PLEKHA1: variants seen among roughly 807,000 people sequenced by gnomAD.
PLEKHA1 encodes the protein pleckstrin homology domain containing A1, also known as pleckstrin homology domain-containing family A member 1.
PLEKHA1 carries 34 observed loss-of-function variants against 52.0 expected under a neutral mutation model. That is an observed-to-expected ratio of 0.65 (90% CI 0.50 to 0.87). The LOEUF (loss-of-function observed/expected upper bound fraction) is 0.87, where lower values mean the gene tolerates loss of function less well. PLEKHA1 is among the 40% of genes least tolerant of loss of function. PLEKHA1 has a pLI of 0.00. For synonymous variants in PLEKHA1, 163 were observed against 170.7 expected (o/e 0.95, Z 0.35); for missense variants, 497 against 504.2 (o/e 0.99, Z 0.14).
At chr10:122,387,318 ATAC>A (rs2096713808) in intron 1 of PLEKHA1, 1 of 152,160 alleles carries the variant, frequency 6.6e-6, no homozygotes, top group Non-Finnish European at 1.5e-5. Context: ...CTTTAGCTGC[ATAC>A]TACAAATTTT....
At chr10:122,419,803 A>T (rs561791489) in intron 8 of PLEKHA1, 2 of 152,224 alleles carry the variant, frequency 1.3e-5, no homozygotes, top group African/African-American at 4.8e-5. Flanking sequence ...TTTATCTCCT[A>T]TGGTAGTTCT....
downstream of PLEKHA1, chr10:122,436,993 C>CTTTTTTTTT (rs34565375): frequency 1.2e-5 from 1 of 84,842 alleles, no homozygotes; most frequent in African/African-American, 4.7e-5. Context: ...TTACATCAGC[C>CTTTTTTTTT]TTTTTTTTTT....
chr10:122,438,448 G>A, the PLEKHA1 span: 4 of 152,286 alleles, frequency 2.6e-5, no homozygotes, highest in Non-Finnish European at 4.4e-5. Context: ...TTTATCTGGG[G>A]TAGGAAGGCA....
At chr10:122,425,080 C>T in intron 10 of PLEKHA1, 121 bp downstream of exon 10, 1 of 806,908 alleles carries the variant, frequency 1.2e-6, no homozygotes, top group Non-Finnish European at 1.9e-6. Flanking sequence ...AACTGTAATT[C>T]ACCAGCTTAA....
Position 122,432,230 on chromosome 10 carries a change from GTCT to G in PLEKHA1, c.*2297_*2299del, listed in dbSNP as rs1433504217. On this transcript the variant is annotated 3_prime_UTR_variant, in exon 12 of 12. Transcript: ENST00000368990. ...GCATTTTTTTCCGTATATATAACAT[GTCT>G]TCTTTCAGAATGGGAATATATGTGT... The G allele has an allele frequency of 1.3e-5, 2 of 152,050 alleles. No homozygotes were observed. The highest frequency in any genetic ancestry group is 1.9e-4 in the East Asian group (1 of 5,196). 9.4% of individuals were successfully genotyped at this position (152,050 alleles called of 1,614,324 possible).
chr10:122,395,995 C>T (rs961464009), intron 2 of PLEKHA1, among the ~76,000 whole-genome samples: 4 of 151,996 alleles, frequency 2.6e-5, no homozygotes, highest in African/African-American at 9.7e-5. Flanking sequence ...TGTTCATTGT[C>T]AAGTAACAAA....
At chr10:122,416,038 A>C (rs1385710040) in intron 7 of PLEKHA1, 36 bp downstream of exon 7, 1 of 1,568,886 alleles carries the variant, frequency 6.4e-7, no homozygotes, top group Admixed American at 1.9e-5. Flanking sequence ...AATAATGAAA[A>C]AGGATTACGT....
chr10:122,418,064 A>G, intron 8 of PLEKHA1, 96 bp downstream of exon 8: 1 of 896,886 alleles, frequency 1.1e-6, no homozygotes, highest in Non-Finnish European at 1.7e-6. Context: ...CTGTAGTTTC[A>G]GAATAAGTCT....
chr10:122,437,072 T>A (rs1225555347), downstream of PLEKHA1: 3 of 141,652 alleles, frequency 2.1e-5, no homozygotes, highest in African/African-American at 5.3e-5. Context: ...TGTGGAAACA[T>A]TTATTATTAT....
chr10:122,405,058 A>G (rs1213582830), intron 4 of PLEKHA1, among the ~76,000 whole-genome samples: 1 of 152,214 alleles, frequency 6.6e-6, no homozygotes, highest in Non-Finnish European at 1.5e-5. Context: ...CAGATGGTGT[A>G]TAATAAATAG....
At chr10:122,440,736 G>A in the PLEKHA1 span, 1 of 152,094 alleles carries the variant, frequency 6.6e-6, no homozygotes, top group Admixed American at 6.6e-5. Context: ...TCAAAATTTG[G>A]AAGAGATTAG....
At chr10:122,375,476 C>T (rs1463801901) in intron 1 of PLEKHA1, among the ~76,000 whole-genome samples, 1 of 149,498 alleles carries the variant, frequency 6.7e-6, no homozygotes, top group Non-Finnish European at 1.5e-5. Context: ...CAGGTGGCAC[C>T]GGGGAGGCGA....
At chr10:122,407,580 CA>C (rs768996489) in intron 5 of PLEKHA1, among the ~76,000 whole-genome samples, 2 of 152,148 alleles carry the variant, frequency 1.3e-5, no homozygotes, top group African/African-American at 2.4e-5. Context: ...AAGCCAACAA[CA>C]ACCTTTACTG....
chr10:122,384,411 A>G (rs923792786), intron 1 of PLEKHA1, among the ~76,000 whole-genome samples: 8 of 151,048 alleles, frequency 5.3e-5, no homozygotes, highest in Non-Finnish European at 1.0e-4. Flanking sequence ...GATTGAGACC[A>G]TCCTGGCTAA....
chr10:122,407,916 A>G (rs1386673040), intron 5 of PLEKHA1, among the ~76,000 whole-genome samples: 2 of 152,356 alleles, frequency 1.3e-5, no homozygotes, highest in East Asian at 1.9e-4. Flanking sequence ...TAAAGAGTCA[A>G]TATAGTTAAA....
At chr10:122,386,751 T>C (rs1044342847) in intron 1 of PLEKHA1, 1 of 152,208 alleles carries the variant, frequency 6.6e-6, no homozygotes, top group African/African-American at 2.4e-5. Context: ...TGTTCTCTCT[T>C]CCTGTTTACT....
At chr10:122,400,214 A>G in intron 3 of PLEKHA1, 129 bp from the exon 4 acceptor site, 1 of 670,886 alleles carries the variant, frequency 1.5e-6, no homozygotes, top group Non-Finnish European at 2.4e-6. Flanking sequence ...GTTGTCTTTA[A>G]TTTTAAGTCT....
chr10:122,376,354 G>C (rs965125067), intron 1 of PLEKHA1, among the ~76,000 whole-genome samples: 5 of 151,738 alleles, frequency 3.3e-5, no homozygotes, highest in Admixed American at 2.6e-4. Context: ...TTAAAAAAGA[G>C]TATTTAAGTT....
intron 11 of PLEKHA1, among the ~76,000 whole-genome samples, chr10:122,428,653 C>G (rs529263051): frequency 6.8e-6 from 1 of 148,116 alleles, no homozygotes; most frequent in African/African-American, 2.7e-5. Flanking sequence ...ACAATACTTA[C>G]GAAATGCACC....
Sources: allele counts gnomAD v4.1 joint callset (sites outside exome capture counted in the v4.1 genomes callset), GRCh38; gene constraint gnomAD v4.1.1; transcripts MANE v1.5; gene names NCBI Gene and HGNC (gene_info 2026-07-23, HGNC 2026-07-21).